The following RAB37 variants were observed in gnomAD, a reference collection of about 807,000 sequenced individuals.
The protein encoded by RAB37 is ras-related protein Rab-37.
In RAB37, 29 loss-of-function variants were observed where a neutral mutation model predicts 33.1. The observed-to-expected ratio is 0.88, with a 90% CI of 0.65 to 1.20. RAB37 has a LOEUF of 1.20. Ranked by LOEUF, RAB37 falls within the 50% of genes most tolerant of loss-of-function variation. The pLI is 0.00. For missense variants in RAB37, 299 were observed against 301.1 expected (o/e 0.99, Z 0.05); for synonymous variants, 128 against 119.5 (o/e 1.07, Z -0.47).
chr17:74,687,546 G>C (rs2032078347), intron 1 of RAB37, among the ~76,000 whole-genome samples: 1 of 152,154 alleles, frequency 6.6e-6, no homozygotes, highest in Non-Finnish European at 1.5e-5. Context: ...CTTGATGCAA[G>C]AGTTGCAGAC....
At chr17:74,706,315 A>AT (rs1255491818) in intron 1 of RAB37, among the ~76,000 whole-genome samples, 4 of 149,912 alleles carry the variant, frequency 2.7e-5, no homozygotes. Flanking sequence ...AAGTGCTGCG[A>AT]TTATAGGTGT....
intron 1 of RAB37, among the ~76,000 whole-genome samples, chr17:74,711,622 AG>A (rs2143942205): frequency 6.6e-6 from 1 of 152,260 alleles, no homozygotes; most frequent in African/African-American, 2.4e-5. Flanking sequence ...AGACGTGCCC[AG>A]TCCAAGCTCA....
chr17:74,735,876 C>A (rs991981383), upstream of RAB37, among the ~76,000 whole-genome samples: 1 of 152,164 alleles, frequency 6.6e-6, no homozygotes, highest in Non-Finnish European at 1.5e-5. Flanking sequence ...GGCCCATAAG[C>A]CACGTCTACC....
In RAB37 at chr17:74,740,367, C is replaced by T. The variant is rs2034582784; in HGVS notation, c.94-401C>T. Among the ~76,000 whole-genome samples, 2 of 152,274 alleles carry T rather than the reference C, an allele frequency of 1.3e-5. 1 individual carries two copies. ...ATAGCCCAGCCCATGCGTGTACTCA[C>T]GAGCGGACGATGGATGACACAAGTA... is the stretch of plus-strand genomic sequence containing the variant. On this transcript the variant is annotated intron_variant, in intron 1 of 8. Coordinates refer to ENST00000392613, the MANE Select transcript of RAB37 (RefSeq NM_001006638.3).
Position 74,744,807 on chromosome 17 carries a change from G to T in RAB37, c.433-66G>T. 8.8e-6 allele frequency: 14 copies of T among 1,598,646 alleles called. No homozygotes were observed. The highest frequency in any genetic ancestry group is 1.3e-5 in the African/African-American group (1 of 74,706). ...AGAGGGCAGGCAACGCCTGCTTCTGGGGCAAAATATGGGCCCGCTGGGGCG... is the reference window on the plus strand; with the variant it reads ...AGAGGGCAGGCAACGCCTGCTTCTGTGGCAAAATATGGGCCCGCTGGGGCG... On this transcript the variant is annotated intron_variant, in intron 6 of 8. Transcript: ENST00000392613. The surrounding 1 kb of genome is among the most constrained non-coding windows in gnomAD (Gnocchi z 4.2).
intron 1 of RAB37, among the ~76,000 whole-genome samples, chr17:74,692,147 T>A (rs553508591): frequency 6.6e-6 from 1 of 152,302 alleles, no homozygotes; most frequent in Non-Finnish European, 1.5e-5. Context: ...ATTACAGGCA[T>A]GAGCCACCGC....
chr17:74,696,348 T>C, intron 1 of RAB37: 1 of 900,042 alleles, frequency 1.1e-6, no homozygotes, highest in Non-Finnish European at 1.7e-6. Flanking sequence ...GGGACCTGGT[T>C]CTAATTCTGA....
At chr17:74,736,711 G>T (rs1376243478), upstream of RAB37, 1 of 1,535,592 alleles carries the variant, frequency 6.5e-7, no homozygotes, top group Non-Finnish European at 8.7e-7. Context: ...CCAAAACACC[G>T]CAGCGTACAT....
Position 74,740,758 on chromosome 17 carries a change from T to A in RAB37, c.94-10T>A. The A allele has an allele frequency of 6.2e-7, 1 of 1,602,746 alleles. No homozygotes were observed. On this transcript the variant is annotated splice_polypyrimidine_tract_variant and intron_variant, in intron 1 of 8. Coordinates refer to ENST00000392613, the MANE Select transcript of RAB37 (RefSeq NM_001006638.3). ...ACTCCCCATTAACTGCCTCTGCCCC[T>A]ACCCCCTAGGTGATGCTTCTGGGAG...
chr17:74,683,363 C>T (rs1214027740), intron 1 of RAB37, among the ~76,000 whole-genome samples: 1 of 152,200 alleles, frequency 6.6e-6, no homozygotes, highest in Non-Finnish European at 1.5e-5. Context: ...TGAGGGGAAG[C>T]TCTTCCGCCT....
At position 74,729,418 on chromosome 17, in the gene RAB37, G is replaced by A. The variant is rs781279632; in HGVS notation, c.183+52G>A. The A allele has an allele frequency of 1.8e-5, 24 of 1,308,014 alleles. No homozygotes were observed. In the East Asian group the frequency reaches 2.3e-4, roughly 13 times the overall value. 81.0% of individuals were successfully genotyped at this position (1,308,014 alleles called of 1,614,324 possible). On this transcript the variant is annotated intron_variant, in intron 2 of 7. Transcript: ENST00000340415. This position sits in a 1 kb window ranked among gnomAD's most constrained non-coding sequence, Gnocchi z 4.2. ...CTGGGCCTGGGCTCAGGACCCCAGC[G>A]TGTTTCTGTTGAGTGCCAGCAGGAA...
intron 1 of RAB37, among the ~76,000 whole-genome samples, chr17:74,688,038 C>T (rs1191517246): frequency 5.3e-5 from 8 of 152,158 alleles, no homozygotes. Flanking sequence ...TGTTAAGCAA[C>T]CCCTCACTTA....
chr17:74,733,927 A>G (rs2144042948), upstream of RAB37, among the ~76,000 whole-genome samples: 1 of 152,120 alleles, frequency 6.6e-6, no homozygotes, highest in South Asian at 2.1e-4. Context: ...CCCTCTCCCC[A>G]TGTTCAAAGA....
Position 74,702,982 on chromosome 17 carries a change from C to G in RAB37, c.73-26274C>G. On this transcript the variant is annotated intron_variant, in intron 1 of 7. Transcript: ENST00000340415. ...GGAAAATGGGACTTCAAAGAGTTCT[C>G]CATTGGAGGAGTTTGGGCCAAGTAG... 2.1e-6 allele frequency: 3 copies of G among 1,410,490 alleles called. No individual in the cohort carries two copies. The Admixed American group carries it at 5.0e-5, about 24-fold the overall frequency. The allele number at this position is 1,410,490 out of a possible 1,614,324, so 87.4% of individuals were successfully genotyped here.
chr17:74,714,501 G>T (rs2143990557), intron 1 of RAB37, among the ~76,000 whole-genome samples: 1 of 152,028 alleles, frequency 6.6e-6, no homozygotes, highest in South Asian at 2.1e-4. Flanking sequence ...CTGACAAGAG[G>T]CGCTTTGTCC....
chr17:74,712,499 CA>C (rs1244078245), intron 1 of RAB37, among the ~76,000 whole-genome samples: 3 of 152,220 alleles, frequency 2.0e-5, no homozygotes, highest in Admixed American at 6.5e-5. Context: ...TCACCCAGTC[CA>C]GGATCAGGCA....
intron 1 of RAB37, among the ~76,000 whole-genome samples, chr17:74,697,242 A>AGATTG (rs1481579029): frequency 6.6e-6 from 1 of 152,056 alleles, no homozygotes; most frequent in East Asian, 1.9e-4. Context: ...CGACACCCAG[A>AGATTG]GATTGGATTG....
chr17:74,695,321 CGGA>C (rs1194620050), intron 1 of RAB37: 1 of 1,577,390 alleles, frequency 6.3e-7, no homozygotes, highest in Non-Finnish European at 8.6e-7. Context: ...GAGGAGCCCT[CGGA>C]GGAGGATAGT....
intron 1 of RAB37, among the ~76,000 whole-genome samples, chr17:74,718,608 C>A (rs904512148): frequency 6.6e-6 from 1 of 152,162 alleles, no homozygotes; most frequent in Admixed American, 6.5e-5. Flanking sequence ...AACAGGTAGG[C>A]TAAACTTGGG....
Sources: gnomAD v4.1 joint callset for allele counts (sites outside exome capture counted in the v4.1 genomes callset) on GRCh38, gnomAD v4.1.1 for gene constraint, Gnocchi (gnomAD v3.1) non-coding constraint, MANE v1.5 for transcripts, NCBI Gene and HGNC (gene_info 2026-07-23, HGNC 2026-07-21) for gene names.